The following FNIP1 variants were observed in gnomAD, a reference collection of about 807,000 sequenced individuals.
FNIP1 encodes the protein folliculin-interacting protein 1.
In FNIP1, 40 loss-of-function variants were observed where a neutral mutation model predicts 124.5. The observed-to-expected ratio is 0.32, with a 90% CI of 0.25 to 0.42. The LOEUF (loss-of-function observed/expected upper bound fraction) is 0.42. FNIP1 is among the 10% of genes least tolerant of loss of function. The pLI is 1.00. For missense variants in FNIP1, 1,176 were observed against 1,403.7 expected (o/e 0.84, Z 2.59); for synonymous variants, 472 against 470.6 (o/e 1.00, Z -0.04).
At chr5:131,747,120 G>T (rs899498256) in intron 1 of FNIP1, among the ~76,000 whole-genome samples, 4 of 152,054 alleles carry the variant, frequency 2.6e-5, no homozygotes, top group Non-Finnish European at 5.9e-5. Context: ...GTTTATTGGG[G>T]TTGTTTTTTG....
At chr5:131,691,221 G>A (rs1489201170) in intron 11 of FNIP1, among the ~76,000 whole-genome samples, 1 of 152,126 alleles carries the variant, frequency 6.6e-6, no homozygotes, top group Non-Finnish European at 1.5e-5. Flanking sequence ...CAAATACTTG[G>A]AGATTGAAAA....
intron 11 of FNIP1, among the ~76,000 whole-genome samples, chr5:131,687,011 T>A (rs1214237114): frequency 6.7e-6 from 1 of 149,290 alleles, no homozygotes; most frequent in Non-Finnish European, 1.5e-5. Flanking sequence ...GGTTTTTTTT[T>A]CCTTTCTCAA....
At position 131,733,155 on chromosome 5, in the gene FNIP1, C is replaced by T. The variant is rs1441236171; in HGVS notation, c.220-2117G>A. Among the ~76,000 whole-genome samples the T allele has an allele frequency of 2.0e-5, 3 of 152,142 alleles. No individual in the cohort carries two copies. The East Asian group carries it at 5.8e-4, about 29-fold the overall frequency. On this transcript the variant is annotated intron_variant, in intron 2 of 17. Transcript: ENST00000510461. ...TGTCTGTTATTGGTGTATAAGAATGCTTGTGATTTTTGCACATTGATTTTG... is the reference window on the plus strand; with the variant it reads ...TGTCTGTTATTGGTGTATAAGAATGTTTGTGATTTTTGCACATTGATTTTG...
intron 16 of FNIP1, among the ~76,000 whole-genome samples, chr5:131,648,173 T>TAAAAAAAAAA (rs577945348): frequency 1.5e-4 from 17 of 113,162 alleles, no homozygotes; most frequent in East Asian, 2.5e-4. Context: ...CTACAAAAAT[T>TAAAAAAAAAA]AAAAAAAAAA....
intron 11 of FNIP1, among the ~76,000 whole-genome samples, chr5:131,691,613 A>G (rs1768483187): frequency 6.6e-6 from 1 of 152,172 alleles, no homozygotes; most frequent in Admixed American, 6.5e-5. Context: ...AAAAAGACAC[A>G]AATTATAAAT....
chr5:131,728,654 C>T (rs1183590254), intron 3 of FNIP1, among the ~76,000 whole-genome samples: 2 of 151,958 alleles, frequency 1.3e-5, no homozygotes, highest in Non-Finnish European at 2.9e-5. Context: ...GAGTTTATTA[C>T]CTTTATTATC....
chr5:131,644,970 T>C (rs1200224712), intron 17 of FNIP1, among the ~76,000 whole-genome samples: 2 of 152,122 alleles, frequency 1.3e-5, no homozygotes, highest in South Asian at 2.1e-4. Flanking sequence ...AGTGTCTCAA[T>C]GACATGCTGA....
At chr5:131,767,560 T>C (rs191085010) in intron 1 of FNIP1, among the ~76,000 whole-genome samples, 76 of 151,996 alleles carry the variant, frequency 5.0e-4, no homozygotes, top group African/African-American at 1.8e-3. Flanking sequence ...GGAAATTCCT[T>C]CCAGATTGAC....
At chr5:131,733,728 T>A (rs940215059) in intron 2 of FNIP1, among the ~76,000 whole-genome samples, 2 of 152,354 alleles carry the variant, frequency 1.3e-5, no homozygotes. Flanking sequence ...GGATTTGGTT[T>A]GCCAGTATTT....
chr5:131,669,799 C>T (rs1436314487), intron 15 of FNIP1, among the ~76,000 whole-genome samples: 1 of 151,854 alleles, frequency 6.6e-6, no homozygotes, highest in African/African-American at 2.4e-5. Flanking sequence ...CAACTAACAA[C>T]ATACTTAATC....
chr5:131,779,354 T>G (rs1178143925), intron 1 of FNIP1, among the ~76,000 whole-genome samples: 2 of 151,960 alleles, frequency 1.3e-5, no homozygotes, highest in East Asian at 3.9e-4. Context: ...AGTAATTGTT[T>G]CAAGATTCAT....
intron 15 of FNIP1, among the ~76,000 whole-genome samples, chr5:131,663,164 A>T (rs770509826): frequency 6.6e-6 from 1 of 152,250 alleles, no homozygotes; most frequent in Non-Finnish European, 1.5e-5. Flanking sequence ...ACCTCTAGTA[A>T]AAGGATTCAG....
chr5:131,670,705 G>C, intron 14 of FNIP1, 74 bp from the exon 15 acceptor site: 1 of 996,538 alleles, frequency 1.0e-6, no homozygotes, highest in Non-Finnish European at 1.4e-6. Flanking sequence ...AAAAAAAAGT[G>C]AATTCTACTT....
intron 12 of FNIP1, among the ~76,000 whole-genome samples, 180 bp from the exon 13 acceptor site, chr5:131,678,052 T>C (rs1039979546): frequency 1.3e-5 from 2 of 152,188 alleles, no homozygotes; most frequent in African/African-American, 2.4e-5. Flanking sequence ...AAGTTAATAG[T>C]TTCTGGTTGA....
chr5:131,793,528 T>A (rs1247919550), intron 1 of FNIP1, among the ~76,000 whole-genome samples: 2 of 152,190 alleles, frequency 1.3e-5, no homozygotes, highest in African/African-American at 4.8e-5. Context: ...CATAATATTT[T>A]TCAAACTCAT....
In FNIP1 at chr5:131,682,258, T is replaced by C. The variant is rs115710902; in HGVS notation, c.1203-3083A>G. Among the ~76,000 whole-genome samples the C allele has an allele frequency of 3.8e-3, 578 of 152,316 alleles. 1 individual carries two copies. The highest frequency in any genetic ancestry group is 5.7e-3 in the Non-Finnish European group (391 of 68,018). On this transcript the variant is annotated intron_variant, in intron 11 of 17. Transcript: ENST00000510461. ...AGAGCCAGATCACAAACACTGGTAT[T>C]AGTGGTCCAATGAGAGCCTTTGCTT...
intron 1 of FNIP1, among the ~76,000 whole-genome samples, chr5:131,791,878 GA>G (rs67593080): frequency 0.63 from 94,286 of 148,792 alleles, 31,394 homozygotes; most frequent in Non-Finnish European, 0.76. Flanking sequence ...ATTATGGAAA[GA>G]AAAAAAAAAA....
chr5:131,660,242 A>C (rs1471196466), intron 15 of FNIP1, among the ~76,000 whole-genome samples: 2 of 152,086 alleles, frequency 1.3e-5, no homozygotes, highest in Admixed American at 6.5e-5. Flanking sequence ...CCCAAAACTC[A>C]ACTGCTTTTG....
chr5:131,733,232 G>A (rs1770161441), intron 2 of FNIP1, among the ~76,000 whole-genome samples: 1 of 152,204 alleles, frequency 6.6e-6, no homozygotes, highest in African/African-American at 2.4e-5. Flanking sequence ...ATTTTGGGCT[G>A]AGACGAGGGG....
Sources: allele counts gnomAD v4.1 joint callset (sites outside exome capture counted in the v4.1 genomes callset), GRCh38; gene constraint gnomAD v4.1.1; transcripts MANE v1.5; gene names NCBI Gene and HGNC (gene_info 2026-07-23, HGNC 2026-07-21).